Variants in SPEG observed in about 807,000 individuals in gnomAD.
SPEG encodes the protein striated muscle preferentially expressed protein kinase.
In SPEG, 114 loss-of-function variants were observed where a neutral mutation model predicts 300.4. The observed-to-expected ratio is 0.38, with a 90% confidence interval of 0.33 to 0.44. The LOEUF is 0.44. Ranked by LOEUF, SPEG falls within the 20% of genes least tolerant of loss-of-function variation. SPEG has a pLI of 1.00. For synonymous variants in SPEG, 1,964 were observed against 2,018.9 expected (o/e 0.97, Z 0.73); for missense variants, 4,201 against 4,586.2 (o/e 0.92, Z 2.43).
At chr2:219,466,212 C>G (rs2125448779) in intron 9 of SPEG, 1 of 1,464,524 alleles carries the variant, frequency 6.8e-7, no homozygotes, top group Middle Eastern at 2.3e-4. Context: ...CCTCCCCACC[C>G]CATGCAGCCC....
intron 6 of SPEG, among the ~76,000 whole-genome samples, chr2:219,452,641 A>G (rs1689854172): frequency 6.6e-6 from 1 of 152,008 alleles, no homozygotes; most frequent in African/African-American, 2.4e-5. Context: ...GAGCAGATGG[A>G]TCTAGTGCCG....
At chr2:219,468,827 C>T (rs376918562) in intron 11 of SPEG, 32 bp from the exon 12 acceptor site, 1 of 1,608,464 alleles carries the variant, frequency 6.2e-7, no homozygotes, top group African/African-American at 1.3e-5. Context: ...CTCACTGTGC[C>T]TGCTCTGCAT....
In SPEG at chr2:219,448,063, C is replaced by T. The variant is rs763477062; in HGVS notation, c.905C>T (p.Pro302Leu). The T allele has an allele frequency of 1.9e-6, 3 of 1,610,958 alleles. No homozygotes were observed. Among genetic ancestry groups the T allele is most frequent in the African/African-American group, 2.7e-5 (2 of 74,896 alleles). ...GCCCCACGCCGCCCTGCCCAGCCGC[C>T]TCCTTCCAAATCCGCGCTGCTCCCC... The part of the protein sequence containing the change: ...SEAPRRPAQP[P>L]PSKSALLPPP... The change falls in exon 4 of 41, where the codon CCT (proline) becomes CTT (leucine). Residue 302 changes from proline (P) to leucine (L), a missense_variant. By Grantham distance (98) the Pro-to-Leu change is moderately conservative (BLOSUM62 -3). Coordinates refer to ENST00000312358, the MANE Select transcript of SPEG (RefSeq NM_005876.5).
At chr2:219,467,459 C>A in intron 10 of SPEG, 25 bp downstream of exon 10, 1 of 1,580,680 alleles carries the variant, frequency 6.3e-7, no homozygotes, top group South Asian at 1.1e-5. Context: ...AGGCATTGGG[C>A]TGCCGTGGGT....
At chr2:219,460,167 C>A in intron 6 of SPEG, 1 of 394,684 alleles carries the variant, frequency 2.5e-6, no homozygotes, top group Non-Finnish European at 3.5e-6. Context: ...TGGATGTGGG[C>A]TTAGGCCCTG....
Position 219,484,149 on chromosome 2 carries a change from C to T in SPEG, c.6686C>T (p.Ala2229Val). 6 of 1,613,664 alleles carry T rather than the reference C, an allele frequency of 3.7e-6. No homozygotes were observed. Among genetic ancestry groups the T allele is most frequent in the Non-Finnish European group, 5.1e-6 (6 of 1,179,962 alleles). The change falls in exon 30 of 41, where the codon GCA becomes GTA. Residue 2229 changes from alanine (A) to valine (V), a missense_variant. By Grantham distance (64) the Ala-to-Val change is moderately conservative. Transcript: ENST00000312358. ...GAACCAGTCCGAGCCTCCAAGCCTGCACCACCCCCCCAGGCCCTGCAAACC... is the reference window on the plus strand; with the variant it reads ...GAACCAGTCCGAGCCTCCAAGCCTGTACCACCCCCCCAGGCCCTGCAAACC... ...RPEPVRASKP[A>V]PPPQALQTLA... is the part of the protein sequence containing the mutation.
chr2:219,451,548 G>C lies in SPEG; in HGVS notation c.2258-77G>C. 7.3e-7 allele frequency: 1 copy of C among 1,362,486 alleles called. No individual in the cohort carries two copies. Among genetic ancestry groups the C allele is most frequent in the Non-Finnish European group, 9.7e-7 (1 of 1,029,494 alleles). The allele number at this position is 1,362,486 out of a possible 1,614,324, so 84.4% of individuals were successfully genotyped here. ...GAGGAGAGGTTTGGTCTCCTGTGTGGTGTGTGGGGTAGGAGTAGAGATTCT... is the reference window on the plus strand; with the variant it reads ...GAGGAGAGGTTTGGTCTCCTGTGTGCTGTGTGGGGTAGGAGTAGAGATTCT... On this transcript the variant is annotated intron_variant, in intron 5 of 40. Coordinates refer to ENST00000312358, the MANE Select transcript of SPEG (RefSeq NM_005876.5). This position sits in a 1 kb window ranked among gnomAD's most constrained non-coding sequence, Gnocchi z 6.4.
At position 219,451,095 on chromosome 2, in the gene SPEG, G is replaced by C; in HGVS notation, c.2114-41G>C. 5 of 1,565,016 alleles carry C rather than the reference G, an allele frequency of 3.2e-6. No individual in the cohort carries two copies. Among genetic ancestry groups the C allele is most frequent in the Non-Finnish European group, 4.3e-6 (5 of 1,158,058 alleles). ...TCTCTCTCCCGCTGTCATCCCTGCA[G>C]GGATCATGGCCCCTTACCCCGTTAT... is the stretch of plus-strand genomic sequence containing the variant. On this transcript the variant is annotated intron_variant, in intron 4 of 40. Transcript: ENST00000312358. This position sits in a 1 kb window ranked among gnomAD's most constrained non-coding sequence, Gnocchi z 6.4.
In SPEG at chr2:219,464,974, C is replaced by G. The variant is rs1213205562; in HGVS notation, c.2881+366C>G. 5.0e-6 allele frequency: 1 copy of G among 198,162 alleles called. No individual in the cohort carries two copies. The highest frequency in any genetic ancestry group is 2.3e-5 in the African/African-American group (1 of 42,848). The allele number at this position is 198,162 out of a possible 1,614,324, so 12.3% of individuals were successfully genotyped here. On this transcript the variant is annotated intron_variant, in intron 9 of 40. Coordinates refer to ENST00000312358, the MANE Select transcript of SPEG (RefSeq NM_005876.5). The surrounding 1 kb of genome is among the most constrained non-coding windows in gnomAD (Gnocchi z 4.5). ...CAGGACCCTCCCTCATCCCCCTCCC[C>G]CTCTCCTCTCGCCCCTTTGCCCACC...
intron 3 of SPEG, among the ~76,000 whole-genome samples, chr2:219,446,856 A>G (rs923374410): frequency 3.3e-5 from 5 of 151,942 alleles, no homozygotes; most frequent in Non-Finnish European, 5.9e-5. Context: ...GTATTAAATG[A>G]CTCAATGCAT....
chr2:219,464,452 G>T lies in SPEG; in HGVS notation c.2725G>T (p.Val909Leu), dbSNP rs1358749184. 1 of 1,611,658 alleles carries T rather than the reference G, an allele frequency of 6.2e-7. No homozygotes were observed. Among genetic ancestry groups the T allele is most frequent in the African/African-American group, 1.3e-5 (1 of 74,936 alleles). The change falls in exon 9 of 41, where the codon GTG (valine) becomes TTG (leucine). Residue 909 changes from valine (V) to leucine (L), a missense_variant. Val to Leu is a conservative substitution (Grantham distance 32). Transcript: ENST00000312358. The surrounding 1 kb of genome is among the most constrained non-coding windows in gnomAD (Gnocchi z 4.5). ...TGACAGGCTGAGAAACCGCCAGCCC[G>T]TGCGCCCAGACCAGCGGCGCTTTGC... Reference protein sequence around the residue: ...VVSWLRNRQPVRPDQRRFAEE... With the variant: ...VVSWLRNRQPLRPDQRRFAEE...
rs542832260 is a variant in SPEG, at chr2:219,477,518, A to G, written c.4729+73A>G. On this transcript the variant is annotated intron_variant, in intron 20 of 40. Transcript: ENST00000312358. This position sits in a 1 kb window ranked among gnomAD's most constrained non-coding sequence, Gnocchi z 6.4. ...TGATGTGACCCTCCATGCTCTGCCC[A>G]GGAAGCAGCCAGCCCTGGACTCGAG... is the stretch of plus-strand genomic sequence containing the variant. 1.4e-6 allele frequency: 2 copies of G among 1,478,678 alleles called. No individual in the cohort carries two copies. The highest frequency in any genetic ancestry group is 2.7e-5 in the South Asian group (2 of 73,380). 91.6% of individuals were successfully genotyped at this position (1,478,678 alleles called of 1,614,324 possible).
In SPEG at chr2:219,479,725, A is replaced by T; in HGVS notation, c.5086-58A>T. 1.3e-6 allele frequency: 2 copies of T among 1,515,596 alleles called. No individual in the cohort carries two copies. The highest frequency in any genetic ancestry group is 9.2e-7 in the Non-Finnish European group (1 of 1,092,248). 93.9% of individuals were successfully genotyped at this position (1,515,596 alleles called of 1,614,324 possible). A position where few individuals can be genotyped will look rare whatever the true frequency, so the allele number is the denominator to read the frequency against. ...ACAGCCGGACCGCTTGCCGCCCTGG[A>T]GGTGTTCAGACATACACCACCCTTC... is the stretch of plus-strand genomic sequence containing the variant. On this transcript the variant is annotated intron_variant, in intron 23 of 40. Transcript: ENST00000312358. The surrounding 1 kb of genome is among the most constrained non-coding windows in gnomAD (Gnocchi z 5.5).
rs1689464071 is a variant in SPEG, at chr2:219,448,202, C to T, written c.1044C>T (p.Thr348=). 6.2e-7 allele frequency: 1 copy of T among 1,612,322 alleles called. No homozygotes were observed. Among genetic ancestry groups the T allele is most frequent in the Admixed American group, 1.7e-5 (1 of 59,970 alleles). The change falls in exon 4 of 41, where the codon ACC becomes ACT. Residue 348 remains threonine, a synonymous_variant. Transcript: ENST00000312358. ...AGGAGCCTGTGCTGCCCGAGGACAC[C>T]ACCACCGAAGAGAAGCGAGGGAAGA... The part of the protein sequence containing the change: ...RTQEPVLPED[T]TTEEKRGKKS...
At chr2:219,466,626 A>T in intron 9 of SPEG, 1 of 1,003,564 alleles carries the variant, frequency 1.0e-6, no homozygotes, top group Non-Finnish European at 1.2e-6. Flanking sequence ...ACAAAAGACC[A>T]AAAGCCAGAG....
intron 22 of SPEG, among the ~76,000 whole-genome samples, chr2:219,478,524 C>T (rs1476700021): frequency 2.0e-5 from 3 of 152,164 alleles, no homozygotes; most frequent in Admixed American, 2.0e-4. Context: ...TGTAGTGACC[C>T]CATTTCAGAT....
At chr2:219,461,434 C>T (rs1299788907) in intron 6 of SPEG, 2 of 1,028,500 alleles carry the variant, frequency 1.9e-6, no homozygotes, top group Non-Finnish European at 2.3e-6. Context: ...CTGCACCAGG[C>T]CCAGCTCACC....
intron 15 of SPEG, 24 bp downstream of exon 15, chr2:219,472,355 A>G (rs1473751346): frequency 6.3e-7 from 1 of 1,595,814 alleles, no homozygotes; most frequent in Non-Finnish European, 8.6e-7. Flanking sequence ...GCACAGGGCC[A>G]TGGGTGGGGA....
At position 219,480,491 on chromosome 2, in the gene SPEG, C is replaced by G. The variant is rs543396369; in HGVS notation, c.5343-180C>G. 2.8e-4 allele frequency among the ~76,000 whole-genome samples: 43 copies of G among 152,240 alleles called. No individual in the cohort carries two copies. The highest frequency in any genetic ancestry group is 1.2e-3 in the Admixed American group (18 of 15,302). ...AGCCCTGCCATGACCCTGGACTTCT[C>G]CAGGCATATCTGGACCTGTAGGTTC... On this transcript the variant is annotated intron_variant, in intron 25 of 40. Coordinates refer to ENST00000312358, the MANE Select transcript of SPEG (RefSeq NM_005876.5). This position sits in a 1 kb window ranked among gnomAD's most constrained non-coding sequence, Gnocchi z 5.3.
Sources: allele counts gnomAD v4.1 joint callset (sites outside exome capture counted in the v4.1 genomes callset), GRCh38; gene constraint gnomAD v4.1.1; non-coding constraint Gnocchi (gnomAD v3.1); transcripts MANE v1.5; gene names NCBI Gene and HGNC (gene_info 2026-07-23, HGNC 2026-07-21).